The following PIWIL2 variants were observed in gnomAD, a reference collection of about 807,000 sequenced individuals.
PIWIL2 encodes the protein piwi like RNA-mediated gene silencing 2, also known as piwi-like protein 2.
A neutral mutation model predicts 116.5 loss-of-function variants in PIWIL2; 81 were observed. That is an observed-to-expected ratio of 0.70 (90% confidence interval 0.58 to 0.84). The LOEUF (loss-of-function observed/expected upper bound fraction) is 0.84, where lower values mean the gene tolerates loss of function less well. PIWIL2 is among the 40% of genes least tolerant of loss of function. The probability of loss-of-function intolerance (pLI) is 0.00; values close to 1 mark genes in which losing one functional copy is unlikely to be tolerated. For synonymous variants in PIWIL2, 489 were observed against 429.5 expected (o/e 1.14, Z -1.71); for missense variants, 1,272 against 1,212.3 (o/e 1.05, Z -0.73).
chr8:22,323,173 A>T (rs1586579186), intron 20 of PIWIL2, among the ~76,000 whole-genome samples: 1 of 109,514 alleles, frequency 9.1e-6, no homozygotes, highest in Admixed American at 1.0e-4. Context: ...TTTGAGACAG[A>T]GTCTTGCTCT....
intron 10 of PIWIL2, among the ~76,000 whole-genome samples, chr8:22,302,328 C>T (rs1276661173): frequency 9.2e-5 from 14 of 151,856 alleles, no homozygotes; most frequent in Admixed American, 7.2e-4. Flanking sequence ...ACTACAGGCG[C>T]GCACCCCCAC....
rs772861929 is a variant in PIWIL2, at chr8:22,356,768, G to A, written c.*1263G>A. The A allele has an allele frequency of 6.6e-6, 1 of 152,112 alleles. No individual in the cohort carries two copies. Among genetic ancestry groups the A allele is most frequent in the Non-Finnish European group, 1.5e-5 (1 of 68,028 alleles). 9.4% of individuals were successfully genotyped at this position (152,112 alleles called of 1,614,324 possible). On this transcript the variant is annotated 3_prime_UTR_variant, in exon 23 of 23. Coordinates refer to ENST00000356766, the MANE Select transcript of PIWIL2 (RefSeq NM_018068.5). ...TTTCCAGAAGTCAGCTTTGGAAAAC[G>A]TGACACTCCTACCAAAGTCCAGATG...
intron 22 of PIWIL2, 78 bp downstream of exon 22, chr8:22,354,456 C>T: frequency 1.2e-6 from 1 of 826,930 alleles, no homozygotes; most frequent in East Asian, 2.5e-5. Flanking sequence ...CACTGTTCAC[C>T]CCAAAATATA....
chr8:22,294,238 G>A (rs775482984), intron 10 of PIWIL2, among the ~76,000 whole-genome samples: 3 of 150,958 alleles, frequency 2.0e-5, no homozygotes, highest in East Asian at 1.9e-4. Flanking sequence ...CTTAGGAGGC[G>A]GAGGCACGAG....
chr8:22,327,883 A>G (rs1396020787), intron 20 of PIWIL2, among the ~76,000 whole-genome samples: 1 of 152,160 alleles, frequency 6.6e-6, no homozygotes, highest in East Asian at 1.9e-4. Flanking sequence ...ATTTACAAAT[A>G]TCTCCCCCCA....
chr8:22,280,181 T>A (rs1018178201), intron 2 of PIWIL2, among the ~76,000 whole-genome samples: 1 of 152,202 alleles, frequency 6.6e-6, no homozygotes, highest in African/African-American at 2.4e-5. Flanking sequence ...AATTGTTAGG[T>A]CTAAAGGTAC....
chr8:22,311,039 A>G (rs188683380), intron 15 of PIWIL2, 73 bp from the exon 16 acceptor site: 7 of 1,256,714 alleles, frequency 5.6e-6, no homozygotes, highest in African/African-American at 3.0e-5. Context: ...TTTATTCTCT[A>G]GAATGAAATC....
chr8:22,281,284 A>G (rs1830493221), intron 3 of PIWIL2, 77 bp downstream of exon 3: 2 of 1,555,002 alleles, frequency 1.3e-6, no homozygotes, highest in Non-Finnish European at 1.7e-6. Flanking sequence ...GTTTATTTTC[A>G]GAAACGTAAC....
Position 22,315,037 on chromosome 8 carries a change from T to A in PIWIL2, c.2100T>A (p.Asn700Lys). The part of the protein sequence containing the change: ...VQSPVPSQVV[N>K]VRTIGQPTRL... ...TGGTCCCTTCATTATAGGTTGTCAA[T>A]GTTCGAACCATTGGTCAGCCCACCA... Residue 700 changes from asparagine to lysine, a missense_variant, in exon 18 of 23, where the codon AAT becomes AAA. Transcript: ENST00000356766. 2 of 1,608,464 alleles carry A rather than the reference T, an allele frequency of 1.2e-6. No homozygotes were observed. The highest frequency in any genetic ancestry group is 1.7e-6 in the Non-Finnish European group (2 of 1,174,788).
At chr8:22,353,764 C>CTTTTTT (rs760913894) in intron 21 of PIWIL2, among the ~76,000 whole-genome samples, 1,073 of 68,258 alleles carry the variant, frequency 0.016, 248 homozygotes, top group South Asian at 0.032. Flanking sequence ...GTTTCTACCA[C>CTTTTTT]TTTTTTTTTT....
At chr8:22,286,650 C>G (rs1286860637) in intron 6 of PIWIL2, among the ~76,000 whole-genome samples, 1 of 152,052 alleles carries the variant, frequency 6.6e-6, no homozygotes, top group Non-Finnish European at 1.5e-5. Context: ...GAGACAGAGT[C>G]TCACTCTGTT....
intron 20 of PIWIL2, among the ~76,000 whole-genome samples, chr8:22,342,514 C>G (rs1832133925): frequency 6.6e-6 from 1 of 152,110 alleles, no homozygotes; most frequent in Non-Finnish European, 1.5e-5. Context: ...GGAACAAAGG[C>G]AAGTCAGTGG....
Position 22,304,860 on chromosome 8 carries a change from C to T in PIWIL2, c.1447C>T (p.His483Tyr), listed in dbSNP as rs375237290. Residue 483 changes from histidine to tyrosine, a missense_variant, in exon 12 of 23, where the codon CAT (histidine) becomes TAT (tyrosine). Transcript: ENST00000356766. ...IHRPSERQDN[H>Y]GMLLKGEILL... ...CAGGCCCAGTGAGAGACAGGATAAT[C>T]ATGGGATGGTGAGTAGGGCTGTCAG... is the stretch of plus-strand genomic sequence containing the variant. 6.2e-7 allele frequency: 1 copy of T among 1,600,398 alleles called. No individual in the cohort carries two copies. Among genetic ancestry groups the T allele is most frequent in the African/African-American group, 1.3e-5 (1 of 74,666 alleles).
intron 20 of PIWIL2, among the ~76,000 whole-genome samples, chr8:22,340,209 T>C (rs562184616): frequency 6.6e-5 from 10 of 152,088 alleles, no homozygotes; most frequent in Admixed American, 5.2e-4. Context: ...TGTGCCACCA[T>C]GCCTGGCTAA....
intron 21 of PIWIL2, among the ~76,000 whole-genome samples, chr8:22,353,574 G>C (rs972233170): frequency 6.6e-6 from 1 of 152,042 alleles, no homozygotes; most frequent in African/African-American, 2.4e-5. Flanking sequence ...CTTGAACCTA[G>C]GAGGCGGAGG....
Position 22,289,099 on chromosome 8 carries a change from C to T in PIWIL2, c.986+433C>T, listed in dbSNP as rs59999737. On this transcript the variant is annotated intron_variant, in intron 8 of 22. Transcript: ENST00000356766. ...TGAAACATCCTAGTTTTCATACAGC[C>T]GCTATTCTCTTATTTAATGAAACAC... Among the ~76,000 whole-genome samples the T allele has an allele frequency of 5.2e-3, 781 of 151,594 alleles. 5 individuals are homozygous for T. The highest frequency in any genetic ancestry group is 0.018 in the African/African-American group (745 of 41,390).
rs766369935 is a variant in PIWIL2, at chr8:22,288,605, A to T, written c.925A>T (p.Thr309Ser). The T allele has an allele frequency of 2.5e-6, 4 of 1,613,546 alleles. No homozygotes were observed. The highest frequency in any genetic ancestry group is 3.4e-6 in the Non-Finnish European group (4 of 1,179,426). ...TGAAATCAGCATTAAGATTCAGATGACAAAGATCCTGGAGCCCTGCTCTGA... is the reference window on the plus strand; with the variant it reads ...TGAAATCAGCATTAAGATTCAGATGTCAAAGATCCTGGAGCCCTGCTCTGA... Reference protein sequence around the residue: ...SAEISIKIQMTKILEPCSDLC... With the variant: ...SAEISIKIQMSKILEPCSDLC... The change falls in exon 8 of 23, where the codon ACA becomes TCA. Residue 309 changes from threonine (T) to serine (S), a missense_variant. Physicochemically the swap from Thr to Ser is moderately conservative, Grantham distance 58. Transcript: ENST00000356766.
chr8:22,333,455 T>C (rs544576860), intron 20 of PIWIL2, among the ~76,000 whole-genome samples: 2 of 151,830 alleles, frequency 1.3e-5, no homozygotes, highest in South Asian at 4.2e-4. Context: ...CTACTAAAAG[T>C]AACAAAATTA....
chr8:22,278,433 T>A (rs1396147704), intron 1 of PIWIL2, among the ~76,000 whole-genome samples: 1 of 152,052 alleles, frequency 6.6e-6, no homozygotes, highest in Non-Finnish European at 1.5e-5. Context: ...GATGTGAGGG[T>A]CACTTGAGCC....
Sources: allele counts gnomAD v4.1 joint callset (sites outside exome capture counted in the v4.1 genomes callset), GRCh38; gene constraint gnomAD v4.1.1; transcripts MANE v1.5; gene names NCBI Gene and HGNC (gene_info 2026-07-23, HGNC 2026-07-21).